Variants in PLA2G10 observed in about 807,000 individuals in gnomAD.
The protein encoded by PLA2G10 is group 10 secretory phospholipase A2.
Under a neutral mutation model 7.9 loss-of-function variants are expected in PLA2G10, and 9 were observed. The observed-to-expected ratio is 1.14, with a 90% CI of 0.68 to 1.98. The LOEUF (loss-of-function observed/expected upper bound fraction) is 1.98, where lower values mean the gene tolerates loss of function less well. Ranked by LOEUF, PLA2G10 falls within the 30% of genes most tolerant of loss-of-function variation. The pLI, the probability that PLA2G10 is intolerant of heterozygous loss-of-function variation, is 0.00. For synonymous variants in PLA2G10, 19 were observed against 27.5 expected (o/e 0.69, Z 0.97); for missense variants, 53 against 65.4 (o/e 0.81, Z 0.66).
rs185543775 is a variant in PLA2G10 at position 14,678,625 on chromosome 16, C to G, written c.356-5876G>C. On this transcript the variant is annotated intron_variant, in intron 3 of 3. Coordinates refer to ENST00000438167, the MANE Select transcript of PLA2G10 (RefSeq NM_003561.3). ...TCTCTACTAAAAGTACATAAATTAG[C>G]AGGGCATGGTGGCACATACCTGTGA... is the stretch of plus-strand genomic sequence containing the variant. 168 of 295,796 alleles carry G rather than the reference C, an allele frequency of 5.7e-4. No homozygotes were observed. In the East Asian group the frequency reaches 9.5e-3, roughly 17 times the overall value. The allele number at this position is 295,796 out of a possible 1,614,324, so 18.3% of individuals were successfully genotyped here. A position where few individuals can be genotyped will look rare whatever the true frequency, so the allele number is the denominator to read the frequency against.
intron 3 of PLA2G10, among the ~76,000 whole-genome samples, chr16:14,687,156 C>A (rs1438126808): frequency 6.0e-5 from 9 of 150,978 alleles, no homozygotes; most frequent in Non-Finnish European, 1.2e-4. Context: ...AAAAAACCCA[C>A]ACTCCAAAAA....
intron 3 of PLA2G10, among the ~76,000 whole-genome samples, chr16:14,675,829 C>T (rs551142196): frequency 9.3e-5 from 14 of 150,636 alleles, no homozygotes; most frequent in African/African-American, 3.2e-4. Flanking sequence ...ATCCCAGCTA[C>T]TTGGGAGGCT....
intron 3 of PLA2G10, among the ~76,000 whole-genome samples, chr16:14,684,000 C>T (rs1015339934): frequency 5.3e-5 from 8 of 152,104 alleles, no homozygotes; most frequent in African/African-American, 1.9e-4. Context: ...CTTTCAGAGG[C>T]AGACAGGCAG....
In PLA2G10 at chr16:14,672,617, T is replaced by G. The variant is rs1960617714; in HGVS notation, c.488A>C (p.Lys163Thr). ...TTCAAGTCAAGGTAGTCAGTCACAC[T>G]TGGGCGAGTCCGGCTCACATAGGAA... ...PQFLCEPDSP[K>T]CD Residue 163 changes from lysine (K) to threonine (T), a missense_variant, in exon 4 of 4, where the codon AAG becomes ACG. Transcript: ENST00000438167. The G allele has an allele frequency of 1.9e-6, 3 of 1,614,106 alleles. No homozygotes were observed. The African/African-American group carries it at 4.0e-5, about 22-fold the overall frequency.
At chr16:14,686,614 C>T (rs923262171) in intron 3 of PLA2G10, among the ~76,000 whole-genome samples, 6 of 152,102 alleles carry the variant, frequency 3.9e-5, no homozygotes, top group Admixed American at 1.3e-4. Context: ...GATTCTCCTG[C>T]GTCAGACTCT....
chr16:14,687,549 G>A (rs114779962), intron 3 of PLA2G10, among the ~76,000 whole-genome samples: 1,533 of 151,956 alleles, frequency 0.01, 28 homozygotes, highest in African/African-American at 0.035. Context: ...GGCCTCAAGC[G>A]ATCCTCCTTC....
chr16:14,676,484 G>A (rs1960729109), intron 3 of PLA2G10, among the ~76,000 whole-genome samples: 2 of 152,128 alleles, frequency 1.3e-5, no homozygotes, highest in Admixed American at 6.6e-5. Flanking sequence ...TTCAAGACCA[G>A]CCTCACCAAT....
chr16:14,684,337 CAAAAAAAAAAAA>C (rs71373100), intron 3 of PLA2G10, among the ~76,000 whole-genome samples: 187 of 39,782 alleles, frequency 4.7e-3, no homozygotes, highest in African/African-American at 0.018. Flanking sequence ...GACTCCATCT[CAAAAAAAAAAAA>C]AAAAAAAAAA....
intron 3 of PLA2G10, among the ~76,000 whole-genome samples, chr16:14,674,596 G>T (rs1001932672): frequency 6.6e-6 from 1 of 152,050 alleles, no homozygotes; most frequent in Admixed American, 6.6e-5. Context: ...AGCTGATCGG[G>T]AGGCTAAGGC....
At chr16:14,685,060 C>T (rs1961013605) in intron 3 of PLA2G10, among the ~76,000 whole-genome samples, 1 of 152,106 alleles carries the variant, frequency 6.6e-6, no homozygotes, top group Non-Finnish European at 1.5e-5. Context: ...GAATGACGTA[C>T]TGACACATGC....
chr16:14,684,253 C>A (rs116643003), intron 3 of PLA2G10, among the ~76,000 whole-genome samples: 2 of 140,104 alleles, frequency 1.4e-5, no homozygotes, highest in Non-Finnish European at 3.0e-5. Context: ...AGGAGAATAG[C>A]TTGAGTTCAG....
chr16:14,678,743 C>T (rs910667266), intron 3 of PLA2G10: 2 of 399,726 alleles, frequency 5.0e-6, no homozygotes, highest in Admixed American at 2.9e-5. Context: ...GCACTCCAGC[C>T]TGGGTGACAG....
intron 3 of PLA2G10, among the ~76,000 whole-genome samples, chr16:14,680,100 T>C (rs1960847012): frequency 7.4e-6 from 1 of 135,164 alleles, no homozygotes; most frequent in South Asian, 2.4e-4. Context: ...TTTTTGCTTT[T>C]CTTTTTTTTT....
intron 3 of PLA2G10, among the ~76,000 whole-genome samples, chr16:14,685,248 T>G (rs763465997): frequency 2.3e-4 from 35 of 151,864 alleles, no homozygotes; most frequent in South Asian, 4.2e-4. Flanking sequence ...GGTGCACGTT[T>G]GTAATCCCAG....
At chr16:14,675,835 A>G (rs1287543265) in intron 3 of PLA2G10, among the ~76,000 whole-genome samples, 5 of 149,404 alleles carry the variant, frequency 3.3e-5, no homozygotes, top group Admixed American at 2.7e-4. Flanking sequence ...GCTACTTGGG[A>G]GGCTGAGGCA....
intron 3 of PLA2G10, among the ~76,000 whole-genome samples, chr16:14,686,791 G>A (rs1032609168): frequency 3.9e-5 from 6 of 152,116 alleles, no homozygotes; most frequent in East Asian, 1.9e-4. Context: ...CACAGCACCC[G>A]GCCCAAAATG....
At chr16:14,685,332 A>T (rs1961022747) in intron 3 of PLA2G10, among the ~76,000 whole-genome samples, 1 of 151,438 alleles carries the variant, frequency 6.6e-6, no homozygotes, top group South Asian at 2.1e-4. Flanking sequence ...AGATGGCACC[A>T]CTGCACTCCA....
At chr16:14,683,067 T>G (rs1467845518) in intron 3 of PLA2G10, among the ~76,000 whole-genome samples, 1 of 151,934 alleles carries the variant, frequency 6.6e-6, no homozygotes, top group Admixed American at 6.6e-5. Context: ...AGACTCCATC[T>G]CAAAACAAAA....
chr16:14,685,479 G>A (rs1380986403), intron 3 of PLA2G10, among the ~76,000 whole-genome samples: 1 of 151,950 alleles, frequency 6.6e-6, no homozygotes, highest in East Asian at 1.9e-4. Flanking sequence ...ATCTAGACAG[G>A]GTAAATCCAG....
Sources: allele counts gnomAD v4.1 joint callset (sites outside exome capture counted in the v4.1 genomes callset), GRCh38; gene constraint gnomAD v4.1.1; transcripts MANE v1.5; gene names NCBI Gene and HGNC (gene_info 2026-07-23, HGNC 2026-07-21).